Variants in SLC30A9 observed in about 807,000 individuals in gnomAD.
SLC30A9 encodes the protein solute carrier family 30 member 9.
A neutral mutation model predicts 87.5 loss-of-function variants in SLC30A9; 58 were observed. The ratio of observed to expected loss-of-function variants is 0.66; its 90% confidence interval spans 0.54 to 0.82. The LOEUF is 0.82. SLC30A9 is among the 40% of genes least tolerant of loss of function. The pLI is 0.00. For synonymous variants in SLC30A9, 234 were observed against 233.0 expected, an observed-to-expected ratio of 1.00 and a Z score of -0.04; for missense variants, 557 against 679.1, an observed-to-expected ratio of 0.82 and a Z score of 2.00.
intron 9 of SLC30A9, among the ~76,000 whole-genome samples, chr4:42,054,132 A>T (rs1284346271): frequency 6.6e-6 from 1 of 152,130 alleles, no homozygotes; most frequent in Non-Finnish European, 1.5e-5. Flanking sequence ...AGGTGGGCGG[A>T]TCACTGGAGG....
chr4:42,010,388 G>A (rs1009449339), intron 2 of SLC30A9, among the ~76,000 whole-genome samples: 2 of 152,020 alleles, frequency 1.3e-5, no homozygotes, highest in African/African-American at 2.4e-5. Context: ...GAGACGGGAG[G>A]ATCACTTGAG....
At chr4:42,009,061 A>G (rs1420842894) in intron 2 of SLC30A9, among the ~76,000 whole-genome samples, 1 of 152,234 alleles carries the variant, frequency 6.6e-6, no homozygotes, top group Non-Finnish European at 1.5e-5. Context: ...AAAATATGTT[A>G]CAATGCTCTG....
chr4:42,061,495 A>C (rs1717851841), intron 10 of SLC30A9, among the ~76,000 whole-genome samples: 1 of 152,194 alleles, frequency 6.6e-6, no homozygotes, highest in South Asian at 2.1e-4. Context: ...GAAGAAAGTA[A>C]ATTTTTCTGA....
At chr4:42,006,079 G>A (rs962026038) in intron 2 of SLC30A9, among the ~76,000 whole-genome samples, 1 of 152,148 alleles carries the variant, frequency 6.6e-6, no homozygotes, top group Admixed American at 6.6e-5. Flanking sequence ...GTGTAACAAC[G>A]GTTTACTTAG....
intron 9 of SLC30A9, among the ~76,000 whole-genome samples, chr4:42,059,143 A>G (rs912894606): frequency 3.3e-5 from 5 of 152,150 alleles, no homozygotes; most frequent in African/African-American, 1.2e-4. Context: ...CTTGTAACCT[A>G]AGGGAAACCT....
intron 6 of SLC30A9, among the ~76,000 whole-genome samples, chr4:42,034,894 A>T (rs1428138615): frequency 1.3e-5 from 2 of 152,182 alleles, no homozygotes; most frequent in Non-Finnish European, 2.9e-5. Flanking sequence ...CATTCCTACC[A>T]TCAGTGCAAA....
chr4:42,060,283 G>T (rs749628956), intron 10 of SLC30A9, 37 bp downstream of exon 10: 2 of 1,487,018 alleles, frequency 1.3e-6, no homozygotes, highest in Admixed American at 1.7e-5. Flanking sequence ...TGTTTGTTTT[G>T]GCGATAAGTC....
At chr4:42,039,129 A>G (rs1401641284) in intron 8 of SLC30A9, 76 bp downstream of exon 8, 8 of 1,062,240 alleles carry the variant, frequency 7.5e-6, no homozygotes, top group Non-Finnish European at 1.2e-5. Context: ...ATGTAAATTT[A>G]TTACATGGTA....
At chr4:42,051,704 C>G (rs991833057) in intron 9 of SLC30A9, among the ~76,000 whole-genome samples, 2 of 151,846 alleles carry the variant, frequency 1.3e-5, no homozygotes, top group African/African-American at 4.8e-5. Context: ...CTTACTAAAG[C>G]CACAGACAAA....
chr4:42,050,661 C>T (rs978350286), intron 9 of SLC30A9, among the ~76,000 whole-genome samples: 1 of 152,180 alleles, frequency 6.6e-6, no homozygotes, highest in African/African-American at 2.4e-5. Flanking sequence ...AGAACTTCTG[C>T]TTTCACCCAT....
chr4:42,050,498 A>C (rs189684402), intron 9 of SLC30A9, among the ~76,000 whole-genome samples: 48 of 152,296 alleles, frequency 3.2e-4, no homozygotes, highest in Admixed American at 2.7e-3. Flanking sequence ...TTTCAATATT[A>C]GTTTTTATTT....
chr4:42,017,332 T>C (rs1715763413), intron 2 of SLC30A9, among the ~76,000 whole-genome samples: 1 of 151,406 alleles, frequency 6.6e-6, no homozygotes, highest in Non-Finnish European at 1.5e-5. Flanking sequence ...ATTCTATTTG[T>C]TGGAAATATC....
intron 14 of SLC30A9, among the ~76,000 whole-genome samples, chr4:42,069,078 A>G (rs751183894): frequency 2.6e-5 from 4 of 152,202 alleles, no homozygotes; most frequent in Non-Finnish European, 5.9e-5. Flanking sequence ...TTGTGATCCA[A>G]AATATTTGTA....
At chr4:42,079,945 C>T (rs994384937) in intron 17 of SLC30A9, among the ~76,000 whole-genome samples, 1 of 151,972 alleles carries the variant, frequency 6.6e-6, no homozygotes, top group Non-Finnish European at 1.5e-5. Context: ...TTATATTTTC[C>T]AAAATGAAAA....
At chr4:42,085,429 C>T (rs1200313697) in intron 17 of SLC30A9, among the ~76,000 whole-genome samples, 1 of 152,210 alleles carries the variant, frequency 6.6e-6, no homozygotes, top group Non-Finnish European at 1.5e-5. Flanking sequence ...TTCAGTTTTC[C>T]CTGATGTATG....
At chr4:42,008,100 A>G (rs1161754132) in intron 2 of SLC30A9, among the ~76,000 whole-genome samples, 1 of 152,096 alleles carries the variant, frequency 6.6e-6, no homozygotes, top group Non-Finnish European at 1.5e-5. Flanking sequence ...CTTGTTCATT[A>G]TGTTTCAGCC....
At chr4:42,019,302 T>G (rs1037132883) in intron 3 of SLC30A9, among the ~76,000 whole-genome samples, 5 of 152,182 alleles carry the variant, frequency 3.3e-5, no homozygotes, top group Admixed American at 2.0e-4. Context: ...CTTATTTATC[T>G]CTATCATATG....
intron 8 of SLC30A9, among the ~76,000 whole-genome samples, chr4:42,039,611 C>T (rs12642648): frequency 0.65 from 98,874 of 151,500 alleles, 36,710 homozygotes; most frequent in East Asian, 0.96. Context: ...TATAGGTGCG[C>T]GCCATCATGC....
intron 1 of SLC30A9, among the ~76,000 whole-genome samples, chr4:41,993,698 A>G (rs1036068672): frequency 6.6e-6 from 1 of 152,202 alleles, no homozygotes; most frequent in Non-Finnish European, 1.5e-5. Context: ...GTTTTTACTC[A>G]AAAGGATTTA....
Sources: allele counts gnomAD v4.1 joint callset (sites outside exome capture counted in the v4.1 genomes callset), GRCh38; gene constraint gnomAD v4.1.1; transcripts MANE v1.5; gene names NCBI Gene and HGNC (gene_info 2026-07-23, HGNC 2026-07-21).